Variants in RAPGEF2 observed in about 807,000 individuals in gnomAD.
RAPGEF2 encodes the protein Rap guanine nucleotide exchange factor 2.
Under a neutral mutation model 186.7 loss-of-function variants are expected in RAPGEF2, and 54 were observed. That is an observed-to-expected ratio of 0.29 (90% confidence interval 0.23 to 0.36). The LOEUF (loss-of-function observed/expected upper bound fraction) is 0.36, where lower values mean the gene tolerates loss of function less well. Ranked by LOEUF, RAPGEF2 falls within the 10% of genes least tolerant of loss-of-function variation. The pLI, the probability that RAPGEF2 is intolerant of heterozygous loss-of-function variation, is 1.00. For synonymous variants in RAPGEF2, 712 were observed against 705.9 expected (o/e 1.01, Z -0.14); for missense variants, 1,532 against 2,045.0 (o/e 0.75, Z 4.84).
intron 9 of RAPGEF2, among the ~76,000 whole-genome samples, chr4:159,318,164 G>A (rs145746244): frequency 1.3e-5 from 2 of 152,124 alleles, no homozygotes; most frequent in Admixed American, 6.5e-5. Context: ...AGCTATCAAA[G>A]ATACATTTAT....
chr4:159,258,391 A>G (rs1010439799), intron 7 of RAPGEF2, among the ~76,000 whole-genome samples: 5 of 152,184 alleles, frequency 3.3e-5, no homozygotes, highest in South Asian at 2.1e-4. Flanking sequence ...AATATTTTCT[A>G]TATTGAGATG....
rs189545801 is a variant in RAPGEF2, at chr4:159,277,170, A to G, written c.544-27172A>G. 8.2e-3 allele frequency among the ~76,000 whole-genome samples: 1,238 copies of G among 150,168 alleles called. 14 individuals carry two copies. Among genetic ancestry groups the G allele is most frequent in the African/African-American group, 0.029 (1,168 of 40,774 alleles). On this transcript the variant is annotated intron_variant, in intron 7 of 29. Transcript: ENST00000691494. ...TTCCCACCTATGAGTGAGAACATGC[A>G]GTGTTTGGTTTTCTGTCCTTGTGAT...
intron 4 of RAPGEF2, among the ~76,000 whole-genome samples, chr4:159,224,416 T>C (rs542289372): frequency 1.3e-5 from 2 of 152,222 alleles, no homozygotes; most frequent in Admixed American, 1.3e-4. Context: ...GGACAGTATA[T>C]AGAAAAGACT....
At chr4:159,125,314 A>G (rs1264693062) in intron 1 of RAPGEF2, among the ~76,000 whole-genome samples, 2 of 152,220 alleles carry the variant, frequency 1.3e-5, no homozygotes, top group Non-Finnish European at 2.9e-5. Context: ...AATTGGAGTC[A>G]GAGATGAGAC....
chr4:159,215,871 A>AT (rs1386603367), intron 4 of RAPGEF2, among the ~76,000 whole-genome samples: 1 of 152,176 alleles, frequency 6.6e-6, no homozygotes, highest in Non-Finnish European at 1.5e-5. Flanking sequence ...AACCGGAGAG[A>AT]TTAGGACAAA....
chr4:159,217,220 CA>C (rs1248383742), intron 4 of RAPGEF2, among the ~76,000 whole-genome samples: 3 of 152,052 alleles, frequency 2.0e-5, no homozygotes. Flanking sequence ...AGGTTTGTTA[CA>C]AGGGTATATT....
At chr4:159,194,006 C>T (rs1193605900) in intron 3 of RAPGEF2, among the ~76,000 whole-genome samples, 3 of 152,054 alleles carry the variant, frequency 2.0e-5, no homozygotes, top group Non-Finnish European at 4.4e-5. Context: ...ACAACAGAAA[C>T]AAACAAAGCA....
In RAPGEF2 at chr4:159,332,699, T is replaced by C. The variant is rs1342396142; in HGVS notation, c.2135+2T>C. On this transcript the variant is annotated splice_donor_variant, in intron 17 of 29. Transcript: ENST00000691494. LOFTEE classifies it high-confidence loss of function. The stretch of plus-strand genomic sequence containing the variant: ...TATCTTGCCACAGAAACCATACAAG[T>C]AAGCATCTGCATATGTCTTCTGTGC... 1 of 1,613,820 alleles carries C rather than the reference T, an allele frequency of 6.2e-7. No individual in the cohort carries two copies. The highest frequency in any genetic ancestry group is 8.5e-7 in the Non-Finnish European group (1 of 1,179,834).
At chr4:159,266,413 G>A (rs1042922823) in intron 7 of RAPGEF2, among the ~76,000 whole-genome samples, 30 of 152,150 alleles carry the variant, frequency 2.0e-4, no homozygotes, top group African/African-American at 7.2e-4. Flanking sequence ...AAACCTGATT[G>A]TGAAAAGCTG....
chr4:159,287,272 A>G (rs917545609), intron 7 of RAPGEF2, among the ~76,000 whole-genome samples: 7 of 152,260 alleles, frequency 4.6e-5, no homozygotes, highest in East Asian at 3.8e-4. Flanking sequence ...AACTATTGCT[A>G]TTGTTATGTC....
chr4:159,222,943 CAAG>C (rs374486604), intron 4 of RAPGEF2, among the ~76,000 whole-genome samples: 10 of 151,280 alleles, frequency 6.6e-5, no homozygotes, highest in Non-Finnish European at 1.2e-4. Flanking sequence ...TATTTGAAGA[CAAG>C]AAAATCATAT....
intron 7 of RAPGEF2, among the ~76,000 whole-genome samples, chr4:159,264,324 G>A (rs1757198616): frequency 6.6e-6 from 1 of 152,150 alleles, no homozygotes; most frequent in African/African-American, 2.4e-5. Context: ...AAGGATGTGT[G>A]ATTTTACTTC....
chr4:159,233,934 A>C (rs1232201639), intron 4 of RAPGEF2, among the ~76,000 whole-genome samples: 1 of 134,854 alleles, frequency 7.4e-6, no homozygotes, highest in Non-Finnish European at 1.8e-5. Flanking sequence ...TAAGTTTTGA[A>C]ATTGGGAAGC....
rs112864152 is a variant in RAPGEF2 at position 159,346,753 on chromosome 4, T to C, written c.3503-36T>C. 1.2e-4 allele frequency: 180 copies of C among 1,558,208 alleles called. No homozygotes were observed. In the East Asian group the frequency reaches 1.8e-3, roughly 15 times the overall value. ...TCTACATACCTACTAGCATCTAAAA[T>C]TCTTTGTTCTATTTTCAAACCCAAA... is the stretch of plus-strand genomic sequence containing the variant. On this transcript the variant is annotated intron_variant, in intron 24 of 29. Coordinates refer to ENST00000691494, the MANE Select transcript of RAPGEF2 (RefSeq NM_001394067.2).
chr4:159,180,834 A>G (rs1052702512), intron 1 of RAPGEF2, among the ~76,000 whole-genome samples: 74 of 152,212 alleles, frequency 4.9e-4, no homozygotes, highest in African/African-American at 1.7e-3. Context: ...TGTAATGTCT[A>G]TTTCCCAGTT....
chr4:159,267,865 G>T (rs1757614541), intron 7 of RAPGEF2: 1 of 1,094,498 alleles, frequency 9.1e-7, no homozygotes, highest in South Asian at 4.3e-5. Context: ...TGTTCTCTTG[G>T]AAGACTGAGA....
chr4:159,231,258 G>A (rs1436020607), intron 4 of RAPGEF2, among the ~76,000 whole-genome samples: 1 of 152,046 alleles, frequency 6.6e-6, no homozygotes, highest in Admixed American at 6.5e-5. Flanking sequence ...GTTTGTGTAA[G>A]TATATTCTGT....
At chr4:159,207,240 C>A (rs1344496588) in intron 3 of RAPGEF2, among the ~76,000 whole-genome samples, 3 of 152,170 alleles carry the variant, frequency 2.0e-5, no homozygotes, top group African/African-American at 7.2e-5. Context: ...AAATCTTTCC[C>A]ATGGATTTCC....
intron 1 of RAPGEF2, among the ~76,000 whole-genome samples, chr4:159,140,580 G>A (rs775218815): frequency 1.3e-5 from 2 of 152,172 alleles, no homozygotes; most frequent in African/African-American, 4.8e-5. Context: ...AAATAGAGAA[G>A]TGGATAACCA....
Sources: gnomAD v4.1 joint callset for allele counts (sites outside exome capture counted in the v4.1 genomes callset) on GRCh38, gnomAD v4.1.1 for gene constraint, MANE v1.5 for transcripts, NCBI Gene and HGNC (gene_info 2026-07-23, HGNC 2026-07-21) for gene names.